DNAH8: variants seen among roughly 807,000 people sequenced by gnomAD.
DNAH8 encodes dynein axonemal heavy chain 8.
A neutral mutation model predicts 562.1 loss-of-function variants in DNAH8; 382 were observed. The observed-to-expected ratio is 0.68, with a 90% CI of 0.63 to 0.74. DNAH8 has a LOEUF of 0.74. Among genes scored for constraint, DNAH8 ranks in the 30% least tolerant of loss-of-function variants. The pLI, the probability that DNAH8 is intolerant of heterozygous loss-of-function variation, is 0.00. For synonymous variants in DNAH8, 1,881 were observed against 1,919.4 expected (o/e 0.98, Z 0.52); for missense variants, 5,203 against 5,620.4 (o/e 0.93, Z 2.37).
intron 87 of DNAH8, among the ~76,000 whole-genome samples, chr6:38,985,206 G>A (rs1330583784): frequency 6.6e-6 from 1 of 152,130 alleles, no homozygotes; most frequent in Non-Finnish European, 1.5e-5. Context: ...AGCAATTGTG[G>A]CTTTCACATC....
chr6:38,783,132 G>A lies in DNAH8; in HGVS notation c.2388G>A (p.Leu796=), dbSNP rs752435001. ...CCTGGATCAGAGAGATTTCACAGTT[G>A]CATTACGGTGTGTATAACACTGCCA... ...HTAWIREISQ[L]HYALQATLFV... is the part of the protein sequence containing the mutation. Residue 796 remains leucine (L), a synonymous_variant, in exon 17 of 93, where the codon TTG becomes TTA. Coordinates refer to ENST00000327475, the MANE Select transcript of DNAH8 (RefSeq NM_001206927.2). The A allele has an allele frequency of 3.7e-6, 6 of 1,613,782 alleles. No individual in the cohort carries two copies. Among genetic ancestry groups the A allele is most frequent in the Non-Finnish European group, 5.1e-6 (6 of 1,179,882 alleles).
In DNAH8 at chr6:38,826,538, G is replaced by A. The variant is rs189863338; in HGVS notation, c.4083+147G>A. Reference sequence around the variant, plus strand: ...CTCGTCTCTGATGTTGATGTCTTTGGGAGAATTTTGGCAATTATCAACAGT... The same window carrying A: ...CTCGTCTCTGATGTTGATGTCTTTGAGAGAATTTTGGCAATTATCAACAGT... On this transcript the variant is annotated intron_variant, in intron 29 of 92. Transcript: ENST00000327475. The A allele has an allele frequency of 1.8e-3, 1,082 of 616,478 alleles. 3 individuals are homozygous for A. Among genetic ancestry groups the A allele is most frequent in the Non-Finnish European group, 2.5e-3 (896 of 351,462 alleles). The allele number at this position is 616,478 out of a possible 1,614,324, so 38.2% of individuals were successfully genotyped here. A position where few individuals can be genotyped will look rare whatever the true frequency, so the allele number is the denominator to read the frequency against.
chr6:38,941,572 A>G (rs879661154), intron 79 of DNAH8, among the ~76,000 whole-genome samples: 2 of 152,154 alleles, frequency 1.3e-5, no homozygotes, highest in Admixed American at 6.5e-5. Context: ...TACAATGAAC[A>G]CTATCTAGGG....
intron 33 of DNAH8, 40 bp from the exon 34 acceptor site, chr6:38,842,328 A>G (rs772697887): frequency 6.5e-7 from 1 of 1,529,372 alleles, no homozygotes; most frequent in Admixed American, 2.0e-5. Flanking sequence ...TTTATTAAAT[A>G]TTATACATGA....
chr6:38,842,932 G>T, intron 35 of DNAH8, 29 bp downstream of exon 35: 1 of 1,603,008 alleles, frequency 6.2e-7, no homozygotes, highest in Non-Finnish European at 8.5e-7. Flanking sequence ...TCTTATCAAT[G>T]ATCCATTAAA....
intron 26 of DNAH8, among the ~76,000 whole-genome samples, chr6:38,820,347 G>A (rs1196858522): frequency 6.6e-6 from 1 of 152,132 alleles, no homozygotes; most frequent in African/African-American, 2.4e-5. Flanking sequence ...AATAAATGTG[G>A]CTAAGGATTT....
intron 26 of DNAH8, among the ~76,000 whole-genome samples, chr6:38,820,749 A>G (rs1562898753): frequency 6.6e-6 from 1 of 152,208 alleles, no homozygotes; most frequent in Non-Finnish European, 1.5e-5. Flanking sequence ...GAATAGAATA[A>G]AGGGAAAAAA....
intron 1 of DNAH8, among the ~76,000 whole-genome samples, chr6:38,719,466 T>C (rs996492933): frequency 6.6e-6 from 1 of 152,196 alleles, no homozygotes; most frequent in Admixed American, 6.5e-5. Flanking sequence ...TCCCTACTTA[T>C]AAGTGTGAAC....
chr6:38,786,863 A>G lies in DNAH8; in HGVS notation c.2494A>G (p.Met832Val), dbSNP rs758728603. The G allele has an allele frequency of 3.7e-6, 6 of 1,613,330 alleles. No homozygotes were observed. The African/African-American group carries it at 4.0e-5, about 11-fold the overall frequency. Residue 832 changes from methionine to valine, a missense_variant, in exon 18 of 93, where the codon ATG becomes GTG. Physicochemically the swap from Met to Val is conservative, Grantham distance 21. Transcript: ENST00000327475. The part of the protein sequence containing the change: ...ILEVVRETKC[M>V]IKMKLDVPEQ... ...GGAAGTTGTTCGGGAAACTAAGTGT[A>G]TGATAAAAATGAAGTTGGATGTACC...
At chr6:38,753,794 A>C (rs57775868) in intron 9 of DNAH8, among the ~76,000 whole-genome samples, 5,797 of 152,086 alleles carry the variant, frequency 0.038, 390 homozygotes, top group African/African-American at 0.13. Context: ...CTAACCATGG[A>C]TGTGCCTTAT....
At position 38,832,301 on chromosome 6, in the gene DNAH8, GA is replaced by G. The variant is rs1473400146; in HGVS notation, c.4189-19del. ...AATATGTTACTTTCACTCTCAGGTT[GA>G]ATATTCTTTTTTATTGTAGGTTTCA... On this transcript the variant is annotated intron_variant, in intron 30 of 92. Coordinates refer to ENST00000327475, the MANE Select transcript of DNAH8 (RefSeq NM_001206927.2). 6.7e-7 allele frequency: 1 copy of G among 1,484,290 alleles called. No individual in the cohort carries two copies. The highest frequency in any genetic ancestry group is 1.7e-5 in the Admixed American group (1 of 58,218). 91.9% of individuals were successfully genotyped at this position (1,484,290 alleles called of 1,614,324 possible).
Position 38,870,283 on chromosome 6 carries a change from T to A in DNAH8, c.6829-118T>A, listed in dbSNP as rs532279077. Reference sequence around the variant, plus strand: ...AAGTACTAGAGAATACAAGCCTGATTAGGAGAGTAATAAATGGTTCTCTGG... The same window carrying A: ...AAGTACTAGAGAATACAAGCCTGATAAGGAGAGTAATAAATGGTTCTCTGG... On this transcript the variant is annotated intron_variant, in intron 48 of 92. Transcript: ENST00000327475. 4.8e-5 allele frequency: 42 copies of A among 872,690 alleles called. No homozygotes were observed. The South Asian group carries it at 5.8e-4, about 12-fold the overall frequency. 54.1% of individuals were successfully genotyped at this position (872,690 alleles called of 1,614,324 possible).
chr6:38,811,301 G>A (rs1323502117), intron 24 of DNAH8, among the ~76,000 whole-genome samples: 1 of 152,184 alleles, frequency 6.6e-6, no homozygotes, highest in African/African-American at 2.4e-5. Flanking sequence ...AAGGAGCACT[G>A]TCCAGATGAG....
intron 82 of DNAH8, among the ~76,000 whole-genome samples, chr6:38,960,758 A>G (rs1762555667): frequency 6.6e-6 from 1 of 152,030 alleles, no homozygotes; most frequent in Non-Finnish European, 1.5e-5. Context: ...CAGTGCTGCT[A>G]CTAAATACAT....
In DNAH8 at chr6:38,857,854, C is replaced by T; in HGVS notation, c.5958+112C>T. ...CCATTTACTTGGTCCTTTTTCATAA[C>T]TGTCCATCAATATCGTGTCCACAGT... On this transcript the variant is annotated intron_variant, in intron 42 of 92. Coordinates refer to ENST00000327475, the MANE Select transcript of DNAH8 (RefSeq NM_001206927.2). 4 of 675,446 alleles carry T rather than the reference C, an allele frequency of 5.9e-6. No individual in the cohort carries two copies. In the East Asian group the frequency reaches 1.1e-4, roughly 18 times the overall value. The allele number at this position is 675,446 out of a possible 1,614,324, so 41.8% of individuals were successfully genotyped here.
intron 52 of DNAH8, among the ~76,000 whole-genome samples, chr6:38,873,972 A>G (rs1411312286): frequency 6.6e-6 from 1 of 151,864 alleles, no homozygotes; most frequent in African/African-American, 2.4e-5. Context: ...ATTATCTGAC[A>G]AGTAGTTGTA....
intron 62 of DNAH8, among the ~76,000 whole-genome samples, chr6:38,900,601 G>A (rs1780007177): frequency 6.6e-6 from 1 of 151,576 alleles, no homozygotes; most frequent in Non-Finnish European, 1.5e-5. Flanking sequence ...GGCATTGTGT[G>A]TCTTTTTCAT....
chr6:38,724,079 C>T (rs1037741599), intron 3 of DNAH8, among the ~76,000 whole-genome samples: 2 of 151,636 alleles, frequency 1.3e-5, no homozygotes, highest in African/African-American at 2.4e-5. Context: ...CCTTGCCTTC[C>T]GGATTCTCCT....
In DNAH8 at chr6:38,826,300, G is replaced by T; in HGVS notation, c.3992G>T (p.Arg1331Leu). The T allele has an allele frequency of 6.2e-7, 1 of 1,613,240 alleles. No individual in the cohort carries two copies. The change falls in exon 29 of 93, where the codon CGT (arginine) becomes CTT (leucine). Residue 1331 changes from arginine (R) to leucine (L), a missense_variant. By Grantham distance (102) the Arg-to-Leu change is moderately radical. Coordinates refer to ENST00000327475, the MANE Select transcript of DNAH8 (RefSeq NM_001206927.2). ...EYLKKLSRPI[R>L]DLDDVRFAME... ...TTGAAAAAGTTATCTAGACCTATTCGTGATTTAGATGATGTCAGATTTGCA... is the reference window on the plus strand; with the variant it reads ...TTGAAAAAGTTATCTAGACCTATTCTTGATTTAGATGATGTCAGATTTGCA...
Sources: allele counts gnomAD v4.1 joint callset (sites outside exome capture counted in the v4.1 genomes callset), GRCh38; gene constraint gnomAD v4.1.1; transcripts MANE v1.5; gene names NCBI Gene and HGNC (gene_info 2026-07-23, HGNC 2026-07-21).